Variants in ASPDH observed in about 807,000 individuals in gnomAD.
ASPDH encodes the protein aspartate dehydrogenase domain containing, also known as aspartate dehydrogenase domain-containing protein.
In ASPDH, 25 loss-of-function variants were observed where a neutral mutation model predicts 30.5. The observed-to-expected ratio is 0.82, with a 90% CI of 0.60 to 1.14. The LOEUF is 1.14. Among genes scored for constraint, ASPDH ranks in the 50% most tolerant of loss-of-function variants. The probability of loss-of-function intolerance (pLI) is 0.00; values close to 1 mark genes in which losing one functional copy is unlikely to be tolerated. For synonymous variants in ASPDH, 168 were observed against 156.3 expected, an observed-to-expected ratio of 1.07 and a Z score of -0.56; for missense variants, 401 against 381.5, an observed-to-expected ratio of 1.05 and a Z score of -0.43.
rs750831040 is a variant in ASPDH, at chr19:50,512,551, G to C, written c.462C>G (p.Pro154=). ...GGGGTCCCTCAAGCCGGAAGCCATC[G>C]GGGTGTGTGGCCATGGTGACACGAA... ...RSLRVTMATH[P]DGFRLEGPLA... is the part of the protein sequence containing the mutation. Residue 154 remains proline (P), a synonymous_variant, in exon 5 of 7, where the codon CCC becomes CCG. Transcript: ENST00000389208. 2.0e-6 allele frequency: 3 copies of C among 1,536,002 alleles called. No homozygotes were observed. The highest frequency in any genetic ancestry group is 1.3e-5 in the South Asian group (1 of 77,946).
Position 50,512,259 on chromosome 19 carries a change from G to C in ASPDH, c.685C>G (p.Leu229Val), listed in dbSNP as rs1979969132. ...LTDMHVVDVE[L>V]SGPRGPTGRS... is the part of the protein sequence containing the mutation. The stretch of plus-strand genomic sequence containing the variant: ...CCCGTGGGGCCCCGGGGTCCGCTCA[G>C]CTCTACATCCACCACGTGCATGTCC... Residue 229 changes from leucine to valine, a missense_variant, in exon 6 of 7, where the codon CTG becomes GTG. By Grantham distance (32) the Leu-to-Val change is conservative (BLOSUM62 1). Coordinates refer to ENST00000389208, the MANE Select transcript of ASPDH (RefSeq NM_001114598.2). 1.2e-6 allele frequency: 2 copies of C among 1,613,398 alleles called. No homozygotes were observed. The highest frequency in any genetic ancestry group is 2.2e-5 in the South Asian group (2 of 91,078).
chr19:50,512,109 G>A (rs1290564903), intron 6 of ASPDH, 27 bp downstream of exon 6: 30 of 1,513,880 alleles, frequency 2.0e-5, no homozygotes, highest in Non-Finnish European at 2.6e-5. Flanking sequence ...AGGAGCCCAG[G>A]GCCGGGGGAG....
rs1206138584 is a variant in ASPDH, at chr19:50,513,057, C to T, written c.198-46G>A. The T allele has an allele frequency of 1.3e-6, 2 of 1,501,584 alleles. No homozygotes were observed. Among genetic ancestry groups the T allele is most frequent in the Admixed American group, 3.8e-5 (2 of 52,948 alleles). The allele number at this position is 1,501,584 out of a possible 1,614,324, so 93.0% of individuals were successfully genotyped here. A position where few individuals can be genotyped will look rare whatever the true frequency, so the allele number is the denominator to read the frequency against. On this transcript the variant is annotated intron_variant, in intron 2 of 6. Transcript: ENST00000389208. This position sits in a 1 kb window ranked among gnomAD's most constrained non-coding sequence, Gnocchi z 4.9. ...CGGAGGGTCTTGGAGAGGTATTAGG[C>T]CTCTTCTCCCCAAGGTTCCCTCCGA... is the stretch of plus-strand genomic sequence containing the variant.
intron 6 of ASPDH, 103 bp downstream of exon 6, chr19:50,512,033 C>G (rs906793839): frequency 9.5e-7 from 1 of 1,056,810 alleles, no homozygotes; most frequent in African/African-American, 1.6e-5. Context: ...AAAGAAAGGT[C>G]AACAAATACA....
chr19:50,513,818 G>A lies in ASPDH; in HGVS notation c.6C>T (p.Ala2=). Residue 2 remains alanine, a synonymous_variant, in exon 1 of 7, where the codon GCC becomes GCT. Coordinates refer to ENST00000389208, the MANE Select transcript of ASPDH (RefSeq NM_001114598.2). The surrounding 1 kb of genome is among the most constrained non-coding windows in gnomAD (Gnocchi z 4.9). ...CGCCCACCCTCCACGGGCCCCTGTC[G>A]GCCATGGCCCTGAGTGCGGTGTCTG... M[A]DRGPWRVGVV... is the part of the protein sequence containing the mutation. 2.6e-6 allele frequency: 4 copies of A among 1,550,532 alleles called. No homozygotes were observed. Among genetic ancestry groups the A allele is most frequent in the East Asian group, 4.9e-5 (2 of 40,904 alleles).
In ASPDH at chr19:50,512,483, T is replaced by C; in HGVS notation, c.530A>G (p.Glu177Gly). Residue 177 changes from glutamate to glycine, a missense_variant, in exon 5 of 7, where the codon GAA becomes GGA. Transcript: ENST00000389208. ...GGGGCAGAGCCCACGGACAGGGCCT[T>C]CGTAGAGCACAGTGCAAGGCCCAGG... ...HSPGPCTVLY[E>G]GPVRGLCPFA... 3.2e-6 allele frequency: 5 copies of C among 1,586,876 alleles called. No homozygotes were observed. Among genetic ancestry groups the C allele is most frequent in the Middle Eastern group, 1.7e-4 (1 of 5,924 alleles).
rs531481607 is a variant in ASPDH, at chr19:50,512,693, T to C, written c.400A>G (p.Ile134Val). ...CCCCCAGCTGCATCCAATCTCCTGA[T>C]GTCCTCAGCGCCCCACAGGGCCCCT... ...ARGALWGAED[I>V]RRLDAAGGLR... Residue 134 changes from isoleucine (I) to valine (V), a missense_variant, in exon 4 of 7, where the codon ATC becomes GTC. Coordinates refer to ENST00000389208, the MANE Select transcript of ASPDH (RefSeq NM_001114598.2). 3.2e-6 allele frequency: 5 copies of C among 1,550,532 alleles called. No individual in the cohort carries two copies. The highest frequency in any genetic ancestry group is 2.4e-5 in the East Asian group (1 of 41,002).
At chr19:50,514,626 A>C (rs1422892536), upstream of ASPDH, 1 of 1,601,216 alleles carries the variant, frequency 6.2e-7, no homozygotes, top group African/African-American at 1.3e-5. Flanking sequence ...AGTGCCCCCA[A>C]CATGAGCCCC....
At position 50,513,449 on chromosome 19, in the gene ASPDH, CAG is replaced by C. The variant is rs1410441707; in HGVS notation, c.53-35_53-34del. The C allele has an allele frequency of 8.9e-6, 13 of 1,455,742 alleles. No homozygotes were observed. The highest frequency in any genetic ancestry group is 4.4e-5 in the South Asian group (3 of 68,098). The allele number at this position is 1,455,742 out of a possible 1,614,324, so 90.2% of individuals were successfully genotyped here. The stretch of plus-strand genomic sequence containing the variant: ...GAGGGAAAGGAGAGGGCTAGAGATC[CAG>C]AGAGAGGGGGACAGAGACCCAGAGA... On this transcript the variant is annotated intron_variant, in intron 1 of 6. Coordinates refer to ENST00000389208, the MANE Select transcript of ASPDH (RefSeq NM_001114598.2). The surrounding 1 kb of genome is among the most constrained non-coding windows in gnomAD (Gnocchi z 4.9).
At chr19:50,513,989 A>C (rs1980117603), upstream of ASPDH, 1 of 780,416 alleles carries the variant, frequency 1.3e-6, no homozygotes, top group African/African-American at 1.8e-5. This position sits in a 1 kb window ranked among gnomAD's most constrained non-coding sequence, Gnocchi z 4.9. Flanking sequence ...GCGGGAGTGG[A>C]GGCGGGAGAA....
chr19:50,513,527 C>A lies in ASPDH; in HGVS notation c.53-111G>T. The stretch of plus-strand genomic sequence containing the variant: ...GAGAGAGAGGAGGTGGGGACAGACT[C>A]AGATTGCGGGGTAGGGAGACAGAGA... On this transcript the variant is annotated intron_variant, in intron 1 of 6. Coordinates refer to ENST00000389208, the MANE Select transcript of ASPDH (RefSeq NM_001114598.2). The surrounding 1 kb of genome is among the most constrained non-coding windows in gnomAD (Gnocchi z 4.9). 8.5e-7 allele frequency: 1 copy of A among 1,172,632 alleles called. No individual in the cohort carries two copies. The allele number at this position is 1,172,632 out of a possible 1,614,324, so 72.6% of individuals were successfully genotyped here. A position where few individuals can be genotyped will look rare whatever the true frequency, so the allele number is the denominator to read the frequency against.
chr19:50,514,505 C>T (rs145984137), upstream of ASPDH: 95 of 1,614,042 alleles, frequency 5.9e-5, no homozygotes, highest in Middle Eastern at 1.6e-4. Flanking sequence ...CACTCTGTCC[C>T]CCATCGTGCC....
chr19:50,512,620 G>A, intron 4 of ASPDH, 40 bp from the exon 5 acceptor site: 4 of 1,509,278 alleles, frequency 2.7e-6, no homozygotes, highest in Non-Finnish European at 3.5e-6. Flanking sequence ...TGGGGTCTTT[G>A]CAGGCCTCCC....
rs1376396856 is a variant in ASPDH, at chr19:50,513,303, G to T, written c.166C>A (p.Gln56Lys). The T allele has an allele frequency of 9.2e-6, 14 of 1,515,156 alleles. No homozygotes were observed. The highest frequency in any genetic ancestry group is 1.1e-5 in the Non-Finnish European group (13 of 1,130,978). The allele number at this position is 1,515,156 out of a possible 1,614,324, so 93.9% of individuals were successfully genotyped here. A position where few individuals can be genotyped will look rare whatever the true frequency, so the allele number is the denominator to read the frequency against. The change falls in exon 2 of 7, where the codon CAG (glutamine) becomes AAG (lysine). Residue 56 changes from glutamine (Q) to lysine (K), a missense_variant. Gln to Lys is a moderately conservative substitution (Grantham distance 53, BLOSUM62 1). Coordinates refer to ENST00000389208, the MANE Select transcript of ASPDH (RefSeq NM_001114598.2). The surrounding 1 kb of genome is among the most constrained non-coding windows in gnomAD (Gnocchi z 4.9). Reference protein sequence around the residue: ...RMAGSVPPSLQLQNLAALGER... With the variant: ...RMAGSVPPSLKLQNLAALGER... ...CCAAGGGCAGCAAGGTTCTGGAGCT[G>T]CAGGGAAGGGGGCACGCTCCCTGCC...
In ASPDH at chr19:50,512,855, T is replaced by TC. The variant is rs755587340; in HGVS notation, c.283-46dup. The TC allele has an allele frequency of 1.9e-6, 3 of 1,598,700 alleles. No homozygotes were observed. In the East Asian group the frequency reaches 6.7e-5, roughly 36 times the overall value. ...GGAGGGTTGAGGTCAGGGAAGGATATCCACTTCAGGGTGGGGTGAGACCAA... is the reference window on the plus strand; with the variant it reads ...GGAGGGTTGAGGTCAGGGAAGGATATCCCACTTCAGGGTGGGGTGAGACCAA... On this transcript the variant is annotated intron_variant, in intron 3 of 6. Coordinates refer to ENST00000389208, the MANE Select transcript of ASPDH (RefSeq NM_001114598.2).
upstream of ASPDH, chr19:50,514,449 C>T (rs772250291): frequency 1.5e-5 from 24 of 1,614,040 alleles, no homozygotes; most frequent in South Asian, 2.5e-4. Context: ...TCCACAGCCT[C>T]CCTCCGCTCT....
rs1979900128 is a variant in ASPDH at position 50,511,788 on chromosome 19, G to A, written c.809-15C>T. 1.5e-6 allele frequency: 2 copies of A among 1,291,298 alleles called. No individual in the cohort carries two copies. Among genetic ancestry groups the A allele is most frequent in the Non-Finnish European group, 2.0e-6 (2 of 1,011,934 alleles). 80.0% of individuals were successfully genotyped at this position (1,291,298 alleles called of 1,614,324 possible). On this transcript the variant is annotated splice_polypyrimidine_tract_variant and intron_variant, in intron 6 of 6. Transcript: ENST00000389208. ...CTGGCAGCAGGCTGCGGGGAGAGGG[G>A]AATGAGCGAATGAGACAGAGGAGAG...
chr19:50,514,804 G>GT, upstream of ASPDH: 1 of 1,267,176 alleles, frequency 7.9e-7, no homozygotes, highest in South Asian at 1.8e-5. Context: ...GGAGCATGGG[G>GT]TGGGGGGGGC....
rs368877723 is a variant in ASPDH at position 50,513,641 on chromosome 19, T to C, written c.52+131A>G. Reference sequence around the variant, plus strand: ...AGAGGACAGAGACCTGGGGTGGGGGTGCAGTGGGCAGACCCAGAGACACAG... The same window carrying C: ...AGAGGACAGAGACCTGGGGTGGGGGCGCAGTGGGCAGACCCAGAGACACAG... On this transcript the variant is annotated intron_variant, in intron 1 of 6. Transcript: ENST00000389208. The surrounding 1 kb of genome is among the most constrained non-coding windows in gnomAD (Gnocchi z 4.9). 10 of 777,308 alleles carry C rather than the reference T, an allele frequency of 1.3e-5. No homozygotes were observed. The highest frequency in any genetic ancestry group is 8.3e-5 in the East Asian group (3 of 35,934). The allele number at this position is 777,308 out of a possible 1,614,324, so 48.2% of individuals were successfully genotyped here. A position where few individuals can be genotyped will look rare whatever the true frequency, so the allele number is the denominator to read the frequency against.
Sources: gnomAD v4.1 joint callset for allele counts on GRCh38, gnomAD v4.1.1 for gene constraint, Gnocchi (gnomAD v3.1) non-coding constraint, MANE v1.5 for transcripts, NCBI Gene and HGNC (gene_info 2026-07-23, HGNC 2026-07-21) for gene names.